The following FBXL7 variants were observed in gnomAD, a reference collection of about 807,000 sequenced individuals.
FBXL7 encodes F-box/LRR-repeat protein 7.
Under a neutral mutation model 38.3 loss-of-function variants are expected in FBXL7, and 12 were observed. The observed-to-expected ratio is 0.31, with a 90% CI of 0.20 to 0.51. FBXL7 has a LOEUF of 0.51. Ranked by LOEUF, FBXL7 falls within the 20% of genes least tolerant of loss-of-function variation. The pLI is 0.98. For synonymous variants in FBXL7, 297 were observed against 300.9 expected, an observed-to-expected ratio of 0.99 and a Z score of 0.13; for missense variants, 567 against 676.4, an observed-to-expected ratio of 0.84 and a Z score of 1.79.
At chr5:15,666,582 A>G (rs553261672) in intron 2 of FBXL7, among the ~76,000 whole-genome samples, 1 of 152,280 alleles carries the variant, frequency 6.6e-6, no homozygotes, top group South Asian at 2.1e-4. Flanking sequence ...CAATCATATC[A>G]TAACATTGTC....
chr5:15,676,518 A>T (rs1742660597), intron 2 of FBXL7, among the ~76,000 whole-genome samples: 1 of 152,254 alleles, frequency 6.6e-6, no homozygotes, highest in African/African-American at 2.4e-5. Context: ...CAAGCTTTTC[A>T]AAACAATAAC....
At chr5:15,890,496 C>A (rs1740856990) in intron 2 of FBXL7, among the ~76,000 whole-genome samples, 1 of 152,158 alleles carries the variant, frequency 6.6e-6, no homozygotes, top group African/African-American at 2.4e-5. Context: ...CCACCTCAGC[C>A]TCCCAAAGTA....
At chr5:15,549,039 G>C (rs946903128) in intron 1 of FBXL7, among the ~76,000 whole-genome samples, 10 of 152,160 alleles carry the variant, frequency 6.6e-5, no homozygotes, top group African/African-American at 2.4e-4. Context: ...GGCAAAATAT[G>C]GGGGAGGCTT....
chr5:15,741,276 TTGTTGA>T (rs1561107777), intron 2 of FBXL7, among the ~76,000 whole-genome samples: 1 of 152,238 alleles, frequency 6.6e-6, no homozygotes, highest in African/African-American at 2.4e-5. Flanking sequence ...CACTTTAAGT[TTGTTGA>T]TAAATATTTC....
intron 2 of FBXL7, among the ~76,000 whole-genome samples, chr5:15,753,159 G>T (rs1028672837): frequency 6.6e-6 from 1 of 152,032 alleles, no homozygotes; most frequent in African/African-American, 2.4e-5. Context: ...CCAGACACAC[G>T]CTCTCTAGGA....
chr5:15,744,394 G>A (rs781034062), intron 2 of FBXL7, among the ~76,000 whole-genome samples: 2 of 152,160 alleles, frequency 1.3e-5, no homozygotes, highest in African/African-American at 2.4e-5. Flanking sequence ...CTTTACTCCA[G>A]TTCCCAACAA....
chr5:15,762,275 CAG>C (rs1736467977), intron 2 of FBXL7, among the ~76,000 whole-genome samples: 2 of 152,312 alleles, frequency 1.3e-5, no homozygotes, highest in South Asian at 4.1e-4. Flanking sequence ...GACAGAAAGA[CAG>C]AGTGTCTGCT....
intron 2 of FBXL7, among the ~76,000 whole-genome samples, chr5:15,790,724 C>G (rs1737252061): frequency 6.6e-6 from 1 of 152,160 alleles, no homozygotes; most frequent in Non-Finnish European, 1.5e-5. Context: ...CATTTATTCA[C>G]TGAACCCAGG....
chr5:15,935,837 C>A (rs1452890249), intron 3 of FBXL7, among the ~76,000 whole-genome samples: 7 of 152,298 alleles, frequency 4.6e-5, no homozygotes, highest in Non-Finnish European at 8.8e-5. Flanking sequence ...GTCGGCTCAC[C>A]ACCTATTCAT....
At chr5:15,817,600 G>A (rs921634937) in intron 2 of FBXL7, among the ~76,000 whole-genome samples, 1 of 152,128 alleles carries the variant, frequency 6.6e-6, no homozygotes, top group Non-Finnish European at 1.5e-5. Flanking sequence ...GGGGGTAATT[G>A]AGTCATGGGG....
At chr5:15,673,341 C>A (rs553332875) in intron 2 of FBXL7, among the ~76,000 whole-genome samples, 1 of 151,624 alleles carries the variant, frequency 6.6e-6, no homozygotes, top group East Asian at 1.9e-4. Flanking sequence ...AGAAAAAAAA[C>A]CATTGAAGTT....
chr5:15,549,757 T>C (rs1479576902), intron 1 of FBXL7, among the ~76,000 whole-genome samples: 1 of 152,230 alleles, frequency 6.6e-6, no homozygotes, highest in Non-Finnish European at 1.5e-5. Context: ...AAATGCTTTC[T>C]GGCTCTTTCA....
rs116372299 is a variant in FBXL7, at chr5:15,810,705, C to T, written c.128-117185C>T. On this transcript the variant is annotated intron_variant, in intron 2 of 3. Transcript: ENST00000504595. Reference sequence around the variant, plus strand: ...AGCTGTTATATTGTTAGTTATAATTCGGCTGCCACCATATTTTTCTTTTAT... The same window carrying T: ...AGCTGTTATATTGTTAGTTATAATTTGGCTGCCACCATATTTTTCTTTTAT... 2.3e-3 allele frequency among the ~76,000 whole-genome samples: 356 copies of T among 151,942 alleles called. 2 individuals carry two copies. Among genetic ancestry groups the T allele is most frequent in the African/African-American group, 7.7e-3 (318 of 41,454 alleles).
chr5:15,739,522 A>G (rs1735841041), intron 2 of FBXL7, among the ~76,000 whole-genome samples: 1 of 152,118 alleles, frequency 6.6e-6, no homozygotes, highest in Admixed American at 6.6e-5. Flanking sequence ...AAGAAATCTC[A>G]CACCCATTAG....
At chr5:15,707,174 G>GTTTTTTTTTTTTTTTTTTTTTTTTTCT (rs71603796) in intron 2 of FBXL7, among the ~76,000 whole-genome samples, 1 of 70,392 alleles carries the variant, frequency 1.4e-5, no homozygotes, top group Non-Finnish European at 2.4e-5. Context: ...TTTTCTTTTC[G>GTTTTTTTTTTTTTTTTTTTTTTTTTCT]TTTTTTTTTT....
rs115911363 is a variant in FBXL7 at position 15,509,649 on chromosome 5, G to A, written c.37+8936G>A. ...AAAAGTGAGTAGCTGGGAGGAAGTAGAGTGTAGGCTCTTGGGAGAAGCTAA... is the reference window on the plus strand; with the variant it reads ...AAAAGTGAGTAGCTGGGAGGAAGTAAAGTGTAGGCTCTTGGGAGAAGCTAA... On this transcript the variant is annotated intron_variant, in intron 1 of 3. Transcript: ENST00000504595. 2.5e-3 allele frequency among the ~76,000 whole-genome samples: 388 copies of A among 152,338 alleles called. 2 individuals are homozygous for A. Among genetic ancestry groups the A allele is most frequent in the African/African-American group, 8.4e-3 (349 of 41,586 alleles).
intron 2 of FBXL7, among the ~76,000 whole-genome samples, chr5:15,839,231 AT>A (rs201556712): frequency 0.012 from 1,850 of 152,006 alleles, 35 homozygotes; most frequent in African/African-American, 0.041. Flanking sequence ...TCATACAAAG[AT>A]TTTAATTTTC....
intron 2 of FBXL7, among the ~76,000 whole-genome samples, chr5:15,630,391 A>G (rs563895211): frequency 1.7e-3 from 252 of 151,974 alleles, no homozygotes; most frequent in Non-Finnish European, 3.2e-3. Context: ...AGAGCTTGTG[A>G]TTTTTTAACT....
Position 15,618,358 on chromosome 5 carries a change from A to T in FBXL7, c.127+2286A>T, listed in dbSNP as rs527884404. 2.3e-3 allele frequency among the ~76,000 whole-genome samples: 353 copies of T among 152,312 alleles called. 5 individuals carry two copies. The highest frequency in any genetic ancestry group is 2.7e-3 in the Non-Finnish European group (185 of 68,028). On this transcript the variant is annotated intron_variant, in intron 2 of 3. Coordinates refer to ENST00000504595, the MANE Select transcript of FBXL7 (RefSeq NM_012304.5). ...TGCCCATTCCCTTGCATAACTGAAA[A>T]AATTAAAAAAGAAAGTATTAAGTTC...
Sources: gnomAD v4.1 joint callset for allele counts (sites outside exome capture counted in the v4.1 genomes callset) on GRCh38, gnomAD v4.1.1 for gene constraint, MANE v1.5 for transcripts, NCBI Gene and HGNC (gene_info 2026-07-23, HGNC 2026-07-21) for gene names.